The following UBASH3B variants were observed in gnomAD, a reference collection of about 807,000 sequenced individuals.
The protein encoded by UBASH3B is ubiquitin associated and SH3 domain containing B, also known as ubiquitin-associated and SH3 domain-containing protein B.
A neutral mutation model predicts 83.4 loss-of-function variants in UBASH3B; 37 were observed. The observed-to-expected ratio is 0.44, with a 90% CI of 0.34 to 0.58. The LOEUF is 0.58. UBASH3B is among the 20% of genes least tolerant of loss of function. The pLI, the probability that UBASH3B is intolerant of heterozygous loss-of-function variation, is 0.01. For synonymous variants in UBASH3B, 304 were observed against 318.3 expected, an observed-to-expected ratio of 0.96 and a Z score of 0.48; for missense variants, 657 against 827.2, an observed-to-expected ratio of 0.79 and a Z score of 2.52.
intron 7 of UBASH3B, among the ~76,000 whole-genome samples, chr11:122,795,406 C>A (rs973970811): frequency 1.3e-5 from 2 of 152,144 alleles, no homozygotes; most frequent in Admixed American, 1.3e-4. Flanking sequence ...CACATATTAA[C>A]CACGTCAGGG....
chr11:122,712,908 T>TTTTG (rs1459447596), intron 1 of UBASH3B, among the ~76,000 whole-genome samples: 2 of 125,808 alleles, frequency 1.6e-5, no homozygotes, highest in African/African-American at 6.2e-5. Flanking sequence ...TTTTTTTTTT[T>TTTTG]TTTTTTTTTT....
Position 122,656,132 on chromosome 11 carries a change from G to T in UBASH3B, c.83G>T (p.Arg28Leu), listed in dbSNP as rs1181926652. ...LYSKVTPRRN[R>L]QQRPGTIKHG... ...AGCAAAGTCACCCCCCGGAGGAACCGCCAACAGCGCCCCGGCACCATCAAG... is the reference window on the plus strand; with the variant it reads ...AGCAAAGTCACCCCCCGGAGGAACCTCCAACAGCGCCCCGGCACCATCAAG... The change falls in exon 1 of 14, where the codon CGC becomes CTC. Residue 28 changes from arginine (R) to leucine (L), a missense_variant. Physicochemically the swap from Arg to Leu is moderately radical, Grantham distance 102. Transcript: ENST00000284273. The T allele has an allele frequency of 2.5e-6, 4 of 1,593,148 alleles. No homozygotes were observed. Among genetic ancestry groups the T allele is most frequent in the Admixed American group, 1.7e-5 (1 of 58,072 alleles).
In UBASH3B at chr11:122,798,973, C is replaced by T. The variant is rs200746675; in HGVS notation, c.1389C>T (p.Ile463=). The change falls in exon 10 of 14, where the codon ATC becomes ATT. Residue 463 remains isoleucine, a synonymous_variant. Transcript: ENST00000284273. ...CCTTATTAGAGAGCAATACCATTAT[C>T]GATCATGTCTATTGCTCCCCGTCCC... The part of the protein sequence containing the change: ...GEALLESNTI[I]DHVYCSPSLR... 1.2e-5 allele frequency: 19 copies of T among 1,614,026 alleles called. No individual in the cohort carries two copies. The highest frequency in any genetic ancestry group is 6.7e-5 in the Admixed American group (4 of 60,008).
chr11:122,783,038 T>A lies in UBASH3B; in HGVS notation c.602-15T>A, dbSNP rs776082224. 4 of 1,607,956 alleles carry A rather than the reference T, an allele frequency of 2.5e-6. No homozygotes were observed. The highest frequency in any genetic ancestry group is 3.4e-6 in the Non-Finnish European group (4 of 1,177,566). On this transcript the variant is annotated splice_polypyrimidine_tract_variant and intron_variant, in intron 4 of 13. Transcript: ENST00000284273. ...ACCACCTTTTAATTACTGACCTTTT[T>A]CTTCCTTTTTCCAGAAGTGCATGTG...
chr11:122,797,385 C>G (rs1565570189), intron 9 of UBASH3B: 1 of 175,592 alleles, frequency 5.7e-6, no homozygotes, highest in Non-Finnish European at 1.2e-5. Flanking sequence ...AAGATGGACC[C>G]TGGACTTGCT....
At chr11:122,669,544 T>C (rs2135898187) in intron 1 of UBASH3B, among the ~76,000 whole-genome samples, 1 of 152,346 alleles carries the variant, frequency 6.6e-6, no homozygotes, top group South Asian at 2.1e-4. Flanking sequence ...TTGGTGACTA[T>C]TATTCTGTCA....
chr11:122,782,882 C>A, intron 4 of UBASH3B, 171 bp from the exon 5 acceptor site: 1 of 738,390 alleles, frequency 1.4e-6, no homozygotes, highest in Non-Finnish European at 2.2e-6. Context: ...AATCTCTTGC[C>A]ATCCCCTTAC....
rs1206855141 is a variant in UBASH3B, at chr11:122,770,843, C to T, written c.162-5376C>T. On this transcript the variant is annotated intron_variant, in intron 1 of 13. Transcript: ENST00000284273. ...ACATCATTGCCAATATCCTCATTGT[C>T]ACTGCCTCAGTTCAACCTCTCAATG... 3.3e-5 allele frequency among the ~76,000 whole-genome samples: 5 copies of T among 152,332 alleles called. No individual in the cohort carries two copies. In the South Asian group the frequency reaches 6.2e-4, roughly 19 times the overall value.
chr11:122,691,885 A>G (rs1863902220), intron 1 of UBASH3B, among the ~76,000 whole-genome samples: 1 of 152,072 alleles, frequency 6.6e-6, no homozygotes, highest in African/African-American at 2.4e-5. Flanking sequence ...CTCTCAAAGG[A>G]CACAATCAGT....
At chr11:122,725,654 A>G (rs1860725818) in intron 1 of UBASH3B, among the ~76,000 whole-genome samples, 1 of 152,132 alleles carries the variant, frequency 6.6e-6, no homozygotes, top group Non-Finnish European at 1.5e-5. Flanking sequence ...CTCAGGAGGA[A>G]AAGTGGGGCT....
intron 1 of UBASH3B, among the ~76,000 whole-genome samples, chr11:122,700,695 C>G (rs961987162): frequency 2.6e-5 from 4 of 152,126 alleles, no homozygotes; most frequent in Non-Finnish European, 5.9e-5. Context: ...TGGGGTTTCA[C>G]CATGTTGGTC....
chr11:122,707,694 A>G, intron 1 of UBASH3B, among the ~76,000 whole-genome samples: 1 of 151,902 alleles, frequency 6.6e-6, no homozygotes, highest in East Asian at 1.9e-4. Flanking sequence ...TATAATTTTT[A>G]TTTTTATTTA....
At chr11:122,771,748 AACACACAC>A (rs58950220) in intron 1 of UBASH3B, among the ~76,000 whole-genome samples, 6,539 of 147,156 alleles carry the variant, frequency 0.044, 247 homozygotes, top group African/African-American at 0.11. Context: ...GCTGTGTTAA[AACACACAC>A]ACACACACAC....
At chr11:122,740,551 A>G (rs1861007581) in intron 1 of UBASH3B, among the ~76,000 whole-genome samples, 1 of 152,202 alleles carries the variant, frequency 6.6e-6, no homozygotes, top group African/African-American at 2.4e-5. Flanking sequence ...AGGCAGTCCT[A>G]TTATTATTCC....
intron 1 of UBASH3B, among the ~76,000 whole-genome samples, chr11:122,721,629 G>C (rs1860640255): frequency 6.6e-6 from 1 of 152,218 alleles, no homozygotes; most frequent in East Asian, 1.9e-4. Context: ...GACATTCTCA[G>C]ATGCATTATT....
chr11:122,757,144 C>A (rs1238567329), intron 1 of UBASH3B, among the ~76,000 whole-genome samples: 1 of 152,198 alleles, frequency 6.6e-6, no homozygotes, highest in Non-Finnish European at 1.5e-5. Flanking sequence ...CAAGGGATGT[C>A]CCGATGCAGT....
intron 1 of UBASH3B, among the ~76,000 whole-genome samples, chr11:122,692,265 G>C (rs1863906273): frequency 6.6e-6 from 1 of 152,086 alleles, no homozygotes; most frequent in African/African-American, 2.4e-5. Context: ...CAACTCCAGG[G>C]ACTTTTGGGA....
chr11:122,723,028 T>C (rs1591786676), intron 1 of UBASH3B, among the ~76,000 whole-genome samples: 2 of 152,324 alleles, frequency 1.3e-5, no homozygotes, highest in East Asian at 3.9e-4. Flanking sequence ...TCTTTCGCCA[T>C]GGGGCTATAA....
At chr11:122,732,260 G>A (rs1245378051) in intron 1 of UBASH3B, among the ~76,000 whole-genome samples, 1 of 152,196 alleles carries the variant, frequency 6.6e-6, no homozygotes, top group East Asian at 1.9e-4. Flanking sequence ...GACCACAGGA[G>A]AACAGACCAA....
Sources: allele counts gnomAD v4.1 joint callset (sites outside exome capture counted in the v4.1 genomes callset), GRCh38; gene constraint gnomAD v4.1.1; transcripts MANE v1.5; gene names NCBI Gene and HGNC (gene_info 2026-07-23, HGNC 2026-07-21).